Variants in TTLL9 observed in about 807,000 individuals in gnomAD.
TTLL9 encodes probable tubulin polyglutamylase TTLL9.
A neutral mutation model predicts 65.6 loss-of-function variants in TTLL9; 47 were observed. That is an observed-to-expected ratio of 0.72 (90% CI 0.57 to 0.91). TTLL9 has a LOEUF of 0.91. Among genes scored for constraint, TTLL9 ranks in the 40% least tolerant of loss-of-function variants. TTLL9 has a pLI of 0.00. For missense variants in TTLL9, 537 were observed against 568.8 expected (o/e 0.94, Z 0.57); for synonymous variants, 179 against 204.8 (o/e 0.87, Z 1.07).
At chr20:31,920,042 CCCA>C in intron 7 of TTLL9, 110 bp downstream of exon 7, 9 of 1,010,392 alleles carry the variant, frequency 8.9e-6, no homozygotes, top group Non-Finnish European at 1.2e-5. Flanking sequence ...AGAAACTCTG[CCCA>C]CAGGTCTGCC....
chr20:31,909,637 G>A, intron 5 of TTLL9, 100 bp from the exon 6 acceptor site: 1 of 1,112,142 alleles, frequency 9.0e-7, no homozygotes, highest in Non-Finnish European at 1.3e-6. Flanking sequence ...TTGTGGGCCA[G>A]AGCATGGAGG....
At chr20:31,872,868 C>T in intron 2 of TTLL9, 1 of 429,458 alleles carries the variant, frequency 2.3e-6, no homozygotes, top group South Asian at 1.7e-5. Context: ...AGGGCCGGAG[C>T]ATGCAGGAGC....
In TTLL9 at chr20:31,878,605, G is replaced by A. The variant is rs192628871; in HGVS notation, c.69+7410G>A. ...AAATGGCACCCCAATCAAAGTTTCT[G>A]CAAACTCTGATTTTGACCATAATTT... is the stretch of plus-strand genomic sequence containing the variant. On this transcript the variant is annotated intron_variant, in intron 2 of 14. Transcript: ENST00000535842. 1.2e-4 allele frequency among the ~76,000 whole-genome samples: 19 copies of A among 152,276 alleles called. No individual in the cohort carries two copies. In the Middle Eastern group the frequency reaches 0.014, roughly 109 times the overall value.
intron 3 of TTLL9, among the ~76,000 whole-genome samples, chr20:31,897,813 G>A (rs533295280): frequency 6.6e-6 from 1 of 152,286 alleles, no homozygotes; most frequent in East Asian, 1.9e-4. Flanking sequence ...TGTGTTCTTG[G>A]GGGTCTGGCT....
At chr20:31,924,250 G>A (rs969822287) in intron 8 of TTLL9, among the ~76,000 whole-genome samples, 2 of 151,954 alleles carry the variant, frequency 1.3e-5, no homozygotes, top group African/African-American at 4.8e-5. Context: ...CCACCCCAAC[G>A]TGGCAGCCAG....
Position 31,939,143 on chromosome 20 carries a change from C to A in TTLL9, c.1120C>A (p.Leu374Ile). ...CCTGTGGGCCTCCTTCCTGTCCAGGCTCACGGGAAGGGAGAAGCGAGTCGG... is the reference window on the plus strand; with the variant it reads ...CCTGTGGGCCTCCTTCCTGTCCAGGATCACGGGAAGGGAGAAGCGAGTCGG... ...TLHVVDMEAR[L>I]TGREKRVGGF... The change falls in exon 14 of 15, where the codon CTC becomes ATC. Residue 374 changes from leucine (L) to isoleucine (I), a missense_variant and splice_region_variant. Leu to Ile is a conservative substitution (Grantham distance 5). Around this residue, in one of 3 missense-constraint regions of TTLL9, gnomAD observed 205 missense variants for 225.9 expected, o/e 0.91. Coordinates refer to ENST00000535842, the MANE Select transcript of TTLL9 (RefSeq NM_001008409.5). 6.3e-7 allele frequency: 1 copy of A among 1,580,360 alleles called. No homozygotes were observed. The highest frequency in any genetic ancestry group is 8.6e-7 in the Non-Finnish European group (1 of 1,163,420).
At chr20:31,879,727 G>C in intron 2 of TTLL9, 2 of 1,305,296 alleles carry the variant, frequency 1.5e-6, no homozygotes, top group Non-Finnish European at 2.1e-6. Flanking sequence ...AGAGGTTCTG[G>C]TGGACCAGAG....
chr20:31,885,716 C>A (rs2063179400), intron 2 of TTLL9, among the ~76,000 whole-genome samples: 2 of 152,274 alleles, frequency 1.3e-5, no homozygotes, highest in East Asian at 3.9e-4. Flanking sequence ...CAGATGGGCC[C>A]CAAGATTCCC....
chr20:31,932,274 C>T (rs568712142), intron 10 of TTLL9, among the ~76,000 whole-genome samples: 10 of 152,172 alleles, frequency 6.6e-5, no homozygotes, highest in African/African-American at 2.4e-4. Flanking sequence ...GAGTTCCAGA[C>T]CAGCCTGGCC....
intron 4 of TTLL9, 94 bp downstream of exon 4, chr20:31,898,659 T>A: frequency 1.8e-6 from 2 of 1,083,964 alleles, no homozygotes; most frequent in Non-Finnish European, 2.8e-6. Context: ...GGGTGGCCAC[T>A]GGGACTTGTC....
chr20:31,931,293 G>A (rs2064005502), intron 10 of TTLL9, among the ~76,000 whole-genome samples: 1 of 151,832 alleles, frequency 6.6e-6, no homozygotes, highest in Non-Finnish European at 1.5e-5. Context: ...TGCCCAGGCT[G>A]GTCTCAAACT....
intron 3 of TTLL9, among the ~76,000 whole-genome samples, chr20:31,888,380 C>G (rs61093369): frequency 0.12 from 18,752 of 152,224 alleles, 1,395 homozygotes; most frequent in Middle Eastern, 0.23. Flanking sequence ...TGGCCCTAAA[C>G]ATACATGCCC....
chr20:31,940,243 T>TA (rs921141158), intron 14 of TTLL9: 5 of 152,228 alleles, frequency 3.3e-5, no homozygotes, highest in Non-Finnish European at 7.3e-5. Flanking sequence ...ACTGGTGAGG[T>TA]AAAACATACT....
chr20:31,888,217 C>A (rs1293144178), intron 3 of TTLL9, among the ~76,000 whole-genome samples: 11 of 152,138 alleles, frequency 7.2e-5, no homozygotes, highest in African/African-American at 2.7e-4. Context: ...TCCCTCCTGG[C>A]TATACTACCA....
Position 31,943,569 on chromosome 20 carries a change from T to C in TTLL9, c.*548T>C, listed in dbSNP as rs1022899480. The stretch of plus-strand genomic sequence containing the variant: ...GTTTATTGGGGGCCTGGGGAAGTAC[T>C]GAGCCCTAAACACATCCTCTTCTCC... On this transcript the variant is annotated 3_prime_UTR_variant, in exon 15 of 15. Coordinates refer to ENST00000535842, the MANE Select transcript of TTLL9 (RefSeq NM_001008409.5). 4 of 353,352 alleles carry C rather than the reference T, an allele frequency of 1.1e-5. No individual in the cohort carries two copies. Among genetic ancestry groups the C allele is most frequent in the African/African-American group, 8.6e-5 (4 of 46,720 alleles). The allele number at this position is 353,352 out of a possible 1,614,324, so 21.9% of individuals were successfully genotyped here.
chr20:31,932,288 A>G (rs1390238733), intron 10 of TTLL9, among the ~76,000 whole-genome samples: 1 of 152,110 alleles, frequency 6.6e-6, no homozygotes, highest in African/African-American at 2.4e-5. Flanking sequence ...CCTGGCCAAC[A>G]TGGTGAGACC....
chr20:31,939,002 C>T (rs1350832672), intron 13 of TTLL9, 140 bp from the exon 14 acceptor site: 5 of 992,374 alleles, frequency 5.0e-6, no homozygotes, highest in Non-Finnish European at 6.9e-6. Flanking sequence ...ACCTGGGAAA[C>T]AGCCAATGAA....
chr20:31,884,958 A>G (rs1205502539), intron 2 of TTLL9, among the ~76,000 whole-genome samples: 1 of 152,236 alleles, frequency 6.6e-6, no homozygotes, highest in Non-Finnish European at 1.5e-5. Context: ...AAAATACTGT[A>G]TCCAATAGCA....
At chr20:31,905,381 C>T (rs1489552080) in intron 4 of TTLL9, among the ~76,000 whole-genome samples, 1 of 152,124 alleles carries the variant, frequency 6.6e-6, no homozygotes, top group Non-Finnish European at 1.5e-5. Flanking sequence ...AACCAGCACA[C>T]GGCCACTTCT....
Sources: gnomAD v4.1 joint callset for allele counts (sites outside exome capture counted in the v4.1 genomes callset) on GRCh38, gnomAD v4.1.1 for gene constraint, gnomAD v4.1.1 regional missense constraint, MANE v1.5 for transcripts, NCBI Gene and HGNC (gene_info 2026-07-23, HGNC 2026-07-21) for gene names.